FAM135B: variants seen among roughly 807,000 people sequenced by gnomAD.
FAM135B encodes the protein protein FAM135B.
A neutral mutation model predicts 127.7 loss-of-function variants in FAM135B; 43 were observed. That is an observed-to-expected ratio of 0.34 (90% CI 0.26 to 0.43). The LOEUF (loss-of-function observed/expected upper bound fraction) is 0.43, where lower values mean the gene tolerates loss of function less well. Ranked by LOEUF, FAM135B falls within the 20% of genes least tolerant of loss-of-function variation. The probability of loss-of-function intolerance (pLI) is 1.00; values close to 1 mark genes in which losing one functional copy is unlikely to be tolerated. For missense variants in FAM135B, 1,558 were observed against 1,725.6 expected (o/e 0.90, Z 1.72); for synonymous variants, 670 against 665.1 (o/e 1.01, Z -0.11).
chr8:138,362,924 C>T (rs1278633468), intron 2 of FAM135B, among the ~76,000 whole-genome samples: 1 of 152,008 alleles, frequency 6.6e-6, no homozygotes, highest in Admixed American at 6.6e-5. Context: ...AGTAGATGAC[C>T]AAATAAAGCA....
chr8:138,370,627 T>A (rs577170326), intron 1 of FAM135B, among the ~76,000 whole-genome samples: 2 of 152,202 alleles, frequency 1.3e-5, no homozygotes, highest in South Asian at 4.2e-4. Flanking sequence ...ATTTTTCGTA[T>A]TTTTAGTAGA....
intron 1 of FAM135B, chr8:138,439,013 T>C (rs1587455491): frequency 6.6e-6 from 1 of 152,088 alleles, no homozygotes; most frequent in Non-Finnish European, 1.5e-5. Flanking sequence ...AACAAGTGGG[T>C]CATCACATTA....
At position 138,241,525 on chromosome 8, in the gene FAM135B, C is replaced by G. The variant is rs1183791020; in HGVS notation, c.669+1417G>C. ...GACATGAGTTGGGCAGCTTTTGCCA[C>G]CAGACCTCCTGGCTGGGTCTCAGAG... On this transcript the variant is annotated intron_variant, in intron 7 of 19. Coordinates refer to ENST00000395297, the MANE Select transcript of FAM135B (RefSeq NM_015912.4). This position sits in a 1 kb window ranked among gnomAD's most constrained non-coding sequence, Gnocchi z 4.8. 6.6e-6 allele frequency among the ~76,000 whole-genome samples: 1 copy of G among 152,180 alleles called. No homozygotes were observed. Among genetic ancestry groups the G allele is most frequent in the Non-Finnish European group, 1.5e-5 (1 of 68,036 alleles).
intron 1 of FAM135B, among the ~76,000 whole-genome samples, chr8:138,471,966 G>A (rs750895483): frequency 3.7e-4 from 56 of 152,230 alleles, no homozygotes; most frequent in Non-Finnish European, 6.5e-4. Context: ...CCATGCAAAG[G>A]GGCATCCTTC....
intron 15 of FAM135B, chr8:138,144,463 T>TC (rs1479615309): frequency 1.3e-5 from 2 of 152,078 alleles, no homozygotes; most frequent in African/African-American, 4.8e-5. Flanking sequence ...TGCTTTTTTT[T>TC]CTCTAACTTT....
rs2130543705 is a variant in FAM135B, at chr8:138,256,681, A to T, written c.368+8T>A. ...CTACTACAATTCAATAATTTCCATG[A>T]CACTCACTGCTGTTCACTGTCCGTA... On this transcript the variant is annotated splice_region_variant and intron_variant, in intron 5 of 19. Coordinates refer to ENST00000395297, the MANE Select transcript of FAM135B (RefSeq NM_015912.4). The T allele has an allele frequency of 6.2e-7, 1 of 1,612,188 alleles. No individual in the cohort carries two copies. Among genetic ancestry groups the T allele is most frequent in the Non-Finnish European group, 8.5e-7 (1 of 1,178,372 alleles).
In FAM135B at chr8:138,152,289, T is replaced by G. The variant is rs896052944; in HGVS notation, c.2186A>C (p.Glu729Ala). 6 of 1,613,948 alleles carry G rather than the reference T, an allele frequency of 3.7e-6. No individual in the cohort carries two copies. In the Admixed American group the frequency reaches 5.0e-5, roughly 13 times the overall value. ...TGTGTTACTTTCTGTGTGTCCACCC[T>G]CTAGGGAGTTCCGGTGGAGGGCATG... ...RRHALHRNSL[E>A]GGHTESNTSL... The change falls in exon 13 of 20, where the codon GAG (glutamate) becomes GCG (alanine). Residue 729 changes from glutamate to alanine, a missense_variant. This residue lies in a region of FAM135B where 923 missense variants were observed against 865.3 expected (regional missense o/e 1.07). Coordinates refer to ENST00000395297, the MANE Select transcript of FAM135B (RefSeq NM_015912.4).
intron 8 of FAM135B, 24 bp downstream of exon 8, chr8:138,197,492 C>G (rs1816749618): frequency 6.2e-7 from 1 of 1,606,538 alleles, no homozygotes; most frequent in African/African-American, 1.3e-5. Context: ...CTGGGATGGG[C>G]TTGCCCCTGT....
At position 138,195,174 on chromosome 8, in the gene FAM135B, G is replaced by A. The variant is rs772948487; in HGVS notation, c.873+84C>T. The A allele has an allele frequency of 3.2e-4, 443 of 1,388,606 alleles. 1 individual carries two copies. Among genetic ancestry groups the A allele is most frequent in the Non-Finnish European group, 3.3e-4 (330 of 991,384 alleles). The allele number at this position is 1,388,606 out of a possible 1,614,324, so 86.0% of individuals were successfully genotyped here. ...TTACAAGTGGTGTCTTTTCACTTCT[G>A]TTTTTTACAGCAAGCAAGCAACTGC... On this transcript the variant is annotated intron_variant, in intron 9 of 19. Transcript: ENST00000395297.
chr8:138,461,651 A>G (rs1363737484), intron 1 of FAM135B, among the ~76,000 whole-genome samples: 1 of 152,172 alleles, frequency 6.6e-6, no homozygotes, highest in Non-Finnish European at 1.5e-5. Context: ...TGAACAGAAC[A>G]CTATGAAATG....
intron 1 of FAM135B, among the ~76,000 whole-genome samples, chr8:138,488,987 C>G (rs959012887): frequency 1.8e-4 from 27 of 152,084 alleles, no homozygotes; most frequent in Non-Finnish European, 2.9e-5. Context: ...TTTGAATGAG[C>G]AGTAGTGTAG....
chr8:138,177,325 T>C (rs1319154487), intron 11 of FAM135B, 22 bp downstream of exon 11: 1 of 1,609,466 alleles, frequency 6.2e-7, no homozygotes, highest in Non-Finnish European at 8.5e-7. Context: ...AGGGATGAAG[T>C]GGGCATGCAA....
At chr8:138,315,821 A>T (rs1827046276) in intron 2 of FAM135B, among the ~76,000 whole-genome samples, 1 of 152,218 alleles carries the variant, frequency 6.6e-6, no homozygotes, top group Non-Finnish European at 1.5e-5. Flanking sequence ...TCAAACACGC[A>T]GAAAGAGAGA....
chr8:138,480,287 T>C (rs1814721316), intron 1 of FAM135B, among the ~76,000 whole-genome samples: 1 of 152,230 alleles, frequency 6.6e-6, no homozygotes, highest in Non-Finnish European at 1.5e-5. Context: ...GCTCTCAGCC[T>C]GTGCTAGTAG....
At chr8:138,496,611 G>C (rs1358902992) in intron 1 of FAM135B, 60 bp downstream of exon 1, 2 of 152,242 alleles carry the variant, frequency 1.3e-5, no homozygotes, top group Non-Finnish European at 2.9e-5. Flanking sequence ...GCTTGCAGAA[G>C]CGTCACTACC....
At chr8:138,395,285 C>T (rs934135885) in intron 1 of FAM135B, among the ~76,000 whole-genome samples, 1 of 152,190 alleles carries the variant, frequency 6.6e-6, no homozygotes, top group Non-Finnish European at 1.5e-5. Flanking sequence ...CTGAGGAATT[C>T]CCAGCAGAAC....
chr8:138,405,467 G>C (rs569417032), intron 1 of FAM135B, among the ~76,000 whole-genome samples: 5 of 149,250 alleles, frequency 3.4e-5, no homozygotes, highest in Non-Finnish European at 7.4e-5. Flanking sequence ...TGCGGTGTTT[G>C]GTTTTCTGTC....
chr8:138,204,524 CA>C (rs1817409180), intron 7 of FAM135B, among the ~76,000 whole-genome samples: 1 of 152,256 alleles, frequency 6.6e-6, no homozygotes, highest in African/African-American at 2.4e-5. Flanking sequence ...ATGAGTGAGT[CA>C]TAGCATCCTC....
At chr8:138,309,020 A>G in intron 3 of FAM135B, 1 of 455,202 alleles carries the variant, frequency 2.2e-6, no homozygotes, top group South Asian at 1.6e-5. Context: ...TGACATATGT[A>G]TATTTAGAAC....
Sources: gnomAD v4.1 joint callset for allele counts (sites outside exome capture counted in the v4.1 genomes callset) on GRCh38, gnomAD v4.1.1 for gene constraint, gnomAD v4.1.1 regional missense constraint, Gnocchi (gnomAD v3.1) non-coding constraint, MANE v1.5 for transcripts, NCBI Gene and HGNC (gene_info 2026-07-23, HGNC 2026-07-21) for gene names.